COLEC12: variants seen among roughly 807,000 people sequenced by gnomAD.
COLEC12 encodes the protein collectin subfamily member 12.
In COLEC12, 33 loss-of-function variants were observed where a neutral mutation model predicts 71.1. That is an observed-to-expected ratio of 0.46 (90% CI 0.35 to 0.62). COLEC12 has a LOEUF of 0.62. Among genes scored for constraint, COLEC12 ranks in the 20% least tolerant of loss-of-function variants. The pLI is 0.00. For missense variants in COLEC12, 765 were observed against 916.1 expected (o/e 0.84, Z 2.13); for synonymous variants, 350 against 353.0 (o/e 0.99, Z 0.10).
chr18:330,408 A>G (rs1913945385), intron 8 of COLEC12, among the ~76,000 whole-genome samples: 1 of 151,726 alleles, frequency 6.6e-6, no homozygotes, highest in South Asian at 2.1e-4. Flanking sequence ...GGTGCTTCCA[A>G]TGCGGTGATG....
chr18:498,627 G>T lies in COLEC12; in HGVS notation c.7+1881C>A, dbSNP rs182811098. 9.2e-3 allele frequency among the ~76,000 whole-genome samples: 1,408 copies of T among 152,228 alleles called. 11 individuals carry two copies. The highest frequency in any genetic ancestry group is 0.034 in the Middle Eastern group (10 of 292). ...CTTGCCCACCTCGGCCTCCCAAAGTGCTGGGATTACAGGTGTGAGCCACCG... is the reference window on the plus strand; with the variant it reads ...CTTGCCCACCTCGGCCTCCCAAAGTTCTGGGATTACAGGTGTGAGCCACCG... On this transcript the variant is annotated intron_variant, in intron 1 of 9. Coordinates refer to ENST00000400256, the MANE Select transcript of COLEC12 (RefSeq NM_130386.3).
At chr18:406,515 C>CAAAAAAAAAAAAAAAAAAAA (rs34263909) in intron 2 of COLEC12, among the ~76,000 whole-genome samples, 4 of 90,460 alleles carry the variant, frequency 4.4e-5, no homozygotes, top group African/African-American at 1.9e-4. Flanking sequence ...GACTCCGTCT[C>CAAAAAAAAAAAAAAAAAAAA]AAAAAAAAAA....
chr18:359,455 T>C (rs1037212161), intron 2 of COLEC12, among the ~76,000 whole-genome samples: 6 of 152,242 alleles, frequency 3.9e-5, no homozygotes, highest in African/African-American at 1.4e-4. Flanking sequence ...GACCCTTATA[T>C]TAGTTATCAC....
intron 2 of COLEC12, among the ~76,000 whole-genome samples, chr18:402,635 G>A (rs1193412167): frequency 6.6e-6 from 1 of 152,140 alleles, no homozygotes; most frequent in Non-Finnish European, 1.5e-5. Context: ...CCCTTGTGAA[G>A]TGTTTCACCT....
At chr18:384,568 A>C (rs1013962907) in intron 2 of COLEC12, among the ~76,000 whole-genome samples, 3 of 152,210 alleles carry the variant, frequency 2.0e-5, no homozygotes, top group Admixed American at 6.5e-5. Flanking sequence ...GAACTCTTTG[A>C]GCAGGGAGTA....
intron 1 of COLEC12, among the ~76,000 whole-genome samples, chr18:486,280 GGTTCAAGCAATCCTCCCA>G (rs59243077): frequency 0.019 from 2,920 of 152,234 alleles, 81 homozygotes; most frequent in African/African-American, 0.066. Flanking sequence ...CTGCCTCCCA[GGTTCAAGCAATCCTCCCA>G]CCTCAGCCTC....
intron 3 of COLEC12, among the ~76,000 whole-genome samples, chr18:351,422 G>A (rs1914518702): frequency 6.6e-6 from 1 of 151,874 alleles, no homozygotes; most frequent in Non-Finnish European, 1.5e-5. Flanking sequence ...CTCTATTATG[G>A]GACTCACTGC....
intron 2 of COLEC12, among the ~76,000 whole-genome samples, chr18:383,292 T>G (rs565044173): frequency 6.6e-6 from 1 of 152,208 alleles, no homozygotes; most frequent in Non-Finnish European, 1.5e-5. Context: ...GGCTTAGTAG[T>G]AGCATGAGTA....
At chr18:357,030 A>G (rs1914641499) in intron 3 of COLEC12, among the ~76,000 whole-genome samples, 1 of 152,176 alleles carries the variant, frequency 6.6e-6, no homozygotes, top group South Asian at 2.1e-4. Context: ...TTCTCTGTCA[A>G]TATAGTTTTC....
chr18:378,082 G>A (rs991956552), intron 2 of COLEC12, among the ~76,000 whole-genome samples: 2 of 152,166 alleles, frequency 1.3e-5, no homozygotes, highest in Non-Finnish European at 2.9e-5. Context: ...CTCTGGCACT[G>A]ATCAATGAGA....
Position 347,103 on chromosome 18 carries a change from C to G in COLEC12, c.519G>C (p.Ala173=), listed in dbSNP as rs529268842. 2.5e-6 allele frequency: 4 copies of G among 1,614,152 alleles called. No individual in the cohort carries two copies. Among genetic ancestry groups the G allele is most frequent in the Non-Finnish European group, 3.4e-6 (4 of 1,180,030 alleles). The change falls in exon 5 of 10, where the codon GCG becomes GCC. Residue 173 remains alanine, a synonymous_variant. Coordinates refer to ENST00000400256, the MANE Select transcript of COLEC12 (RefSeq NM_130386.3). The stretch of plus-strand genomic sequence containing the variant: ...GCAGATTCGTGACATAGCCATTATA[C>G]GCCTGGAGGGTTTTGTTTACAGTGG... ...LITTVNKTLQ[A]YNGYVTNLQQ...
rs564172022 is a variant in COLEC12 at position 482,651 on chromosome 18, G to A, written c.8-1894C>T. On this transcript the variant is annotated intron_variant, in intron 1 of 9. Coordinates refer to ENST00000400256, the MANE Select transcript of COLEC12 (RefSeq NM_130386.3). ...TTTGAGATAGAATTTTGTTCTTGTC[G>A]CCCAGGCTGGAGTGCAGTGGTGTGA... 1.4e-4 allele frequency among the ~76,000 whole-genome samples: 21 copies of A among 151,730 alleles called. No homozygotes were observed. The East Asian group carries it at 1.8e-3, about 13-fold the overall frequency.
intron 2 of COLEC12, among the ~76,000 whole-genome samples, chr18:444,514 A>C (rs1394928226): frequency 6.6e-6 from 1 of 152,208 alleles, no homozygotes; most frequent in Non-Finnish European, 1.5e-5. Flanking sequence ...TTTCAATGTA[A>C]AATATAAGAA....
At chr18:369,431 ATTT>A (rs903518654) in intron 2 of COLEC12, among the ~76,000 whole-genome samples, 2 of 88,214 alleles carry the variant, frequency 2.3e-5, no homozygotes, top group East Asian at 6.1e-4. Flanking sequence ...TTTTATTTTT[ATTT>A]TTTTTTGGAA....
chr18:372,743 GATA>G (rs1915028430), intron 2 of COLEC12, among the ~76,000 whole-genome samples: 2 of 152,230 alleles, frequency 1.3e-5, no homozygotes, highest in Admixed American at 1.3e-4. Context: ...ACTGACACAG[GATA>G]ATATGATTCA....
intron 2 of COLEC12, among the ~76,000 whole-genome samples, chr18:414,108 T>C (rs1915942929): frequency 6.6e-6 from 1 of 152,194 alleles, no homozygotes; most frequent in Admixed American, 6.5e-5. Flanking sequence ...GTACTACAGT[T>C]TTGTAAGATG....
intron 2 of COLEC12, among the ~76,000 whole-genome samples, chr18:389,557 G>A (rs927925829): frequency 6.6e-6 from 1 of 150,930 alleles, no homozygotes; most frequent in Non-Finnish European, 1.5e-5. Flanking sequence ...AGATTACTAT[G>A]CATGAGCCAC....
At position 334,887 on chromosome 18, in the gene COLEC12, C is replaced by T. The variant is rs569458748; in HGVS notation, c.1671G>A (p.Gly557=). Residue 557 remains glycine, a synonymous_variant, in exon 6 of 10, where the codon GGG becomes GGA. Coordinates refer to ENST00000400256, the MANE Select transcript of COLEC12 (RefSeq NM_130386.3). The part of the protein sequence containing the change: ...QGLQGTVGEP[G]VPGPRGLPGL... ...CTGGCAGTCCCCGAGGTCCAGGCAC[C>T]CCAGGCTCCCCAACGGTGCCCTGAA... is the stretch of plus-strand genomic sequence containing the variant. 2.1e-4 allele frequency: 315 copies of T among 1,524,714 alleles called. No individual in the cohort carries two copies. The highest frequency in any genetic ancestry group is 8.0e-4 in the South Asian group (64 of 80,188). 94.4% of individuals were successfully genotyped at this position (1,524,714 alleles called of 1,614,324 possible). A position where few individuals can be genotyped will look rare whatever the true frequency, so the allele number is the denominator to read the frequency against.
chr18:394,449 T>C (rs1915526134), intron 2 of COLEC12, among the ~76,000 whole-genome samples: 1 of 152,218 alleles, frequency 6.6e-6, no homozygotes. Context: ...TCCAAAAATA[T>C]CCATTGGGTG....
Sources: allele counts gnomAD v4.1 joint callset (sites outside exome capture counted in the v4.1 genomes callset), GRCh38; gene constraint gnomAD v4.1.1; transcripts MANE v1.5; gene names NCBI Gene and HGNC (gene_info 2026-07-23, HGNC 2026-07-21).